PSG4: variants seen among roughly 807,000 people sequenced by gnomAD.
PSG4 encodes the protein pregnancy specific beta-1-glycoprotein 4.
In PSG4, 61 loss-of-function variants were observed where a neutral mutation model predicts 44.3. The observed-to-expected ratio is 1.38, with a 90% CI of 1.12 to 1.70. The LOEUF (loss-of-function observed/expected upper bound fraction) is 1.70. Among genes scored for constraint, PSG4 ranks in the 40% most tolerant of loss-of-function variants. PSG4 has a pLI of 0.00. For synonymous variants in PSG4, 248 were observed against 191.3 expected (o/e 1.30, Z -2.45); for missense variants, 677 against 511.7 (o/e 1.32, Z -3.12).
chr19:43,194,801 G>A lies in PSG4; in HGVS notation c.988+194C>T, dbSNP rs565005648. 1.2e-5 allele frequency: 17 copies of A among 1,422,610 alleles called. 1 individual carries two copies. The African/African-American group carries it at 2.0e-4, about 17-fold the overall frequency. 88.1% of individuals were successfully genotyped at this position (1,422,610 alleles called of 1,614,324 possible). A position where few individuals can be genotyped will look rare whatever the true frequency, so the allele number is the denominator to read the frequency against. On this transcript the variant is annotated intron_variant, in intron 4 of 5. Transcript: ENST00000405312. ...AGGCCCCAAGTCTCCCATGACAAGAGCGTCCCCTCCCCTTATATTCTTGGT... is the reference window on the plus strand; with the variant it reads ...AGGCCCCAAGTCTCCCATGACAAGAACGTCCCCTCCCCTTATATTCTTGGT...
In PSG4 at chr19:43,197,749, C is replaced by A. The variant is rs796818042; in HGVS notation, c.709+248G>T. 555 of 875,796 alleles carry A rather than the reference C, an allele frequency of 6.3e-4. 32 individuals carry two copies. The African/African-American group carries it at 7.1e-3, about 11-fold the overall frequency. 54.3% of individuals were successfully genotyped at this position (875,796 alleles called of 1,614,324 possible). On this transcript the variant is annotated intron_variant, in intron 3 of 5. Transcript: ENST00000405312. ...TGTTCACTGATCTGGAGCCTGAGAC[C>A]TTCACCTGTTTCTCCCATCACAAGC... is the stretch of plus-strand genomic sequence containing the variant.
chr19:43,202,044 C>T lies in PSG4; in HGVS notation c.430+1842G>A, dbSNP rs552311436. ...GAGTGGCAACTCCAGGTGATTTCTG[C>T]ACCTTTCCTATTTCCTGGGAGGTGG... On this transcript the variant is annotated intron_variant, in intron 2 of 5. Coordinates refer to ENST00000405312, the MANE Select transcript of PSG4 (RefSeq NM_002780.5). 4.8e-3 allele frequency among the ~76,000 whole-genome samples: 694 copies of T among 145,288 alleles called. 80 individuals are homozygous for T. Among genetic ancestry groups the T allele is most frequent in the African/African-American group, 0.017 (651 of 38,114 alleles).
rs78731124 is a variant in PSG4 at position 43,198,256 on chromosome 19, G to A, written c.450C>T (p.Ser150=). 8.5e-4 allele frequency: 1,351 copies of A among 1,586,566 alleles called. 226 individuals carry two copies. In the African/African-American group the frequency reaches 0.017, roughly 20 times the overall value. Reference sequence around the variant, plus strand: ...TGGGATTTAAGTTGCTGCTGGAGATGGAGGGCTTGGGAGTCTCCACTGTGC... The same window carrying A: ...TGGGATTTAAGTTGCTGCTGGAGATAGAGGGCTTGGGAGTCTCCACTGTGC... The part of the protein sequence containing the change: ...FTLHLETPKP[S]ISSSNLNPRE... The change falls in exon 3 of 6, where the codon TCC becomes TCT. Residue 150 remains serine (S), a synonymous_variant. Coordinates refer to ENST00000405312, the MANE Select transcript of PSG4 (RefSeq NM_002780.5).
Position 43,199,178 on chromosome 19 carries a change from T to C in PSG4, c.431-903A>G, listed in dbSNP as rs1212046155. 1.4e-5 allele frequency among the ~76,000 whole-genome samples: 2 copies of C among 145,962 alleles called. 1 individual carries two copies. The highest frequency in any genetic ancestry group is 3.0e-5 in the Non-Finnish European group (2 of 67,244). On this transcript the variant is annotated intron_variant, in intron 2 of 5. Coordinates refer to ENST00000405312, the MANE Select transcript of PSG4 (RefSeq NM_002780.5). ...ATGCGTTTGGTGGATATTAGACCAATATTTGGGAAGAAGTCTTGCAGATAC... is the reference window on the plus strand; with the variant it reads ...ATGCGTTTGGTGGATATTAGACCAACATTTGGGAAGAAGTCTTGCAGATAC...
In PSG4 at chr19:43,200,424, G is replaced by A. The variant is rs142324760; in HGVS notation, c.431-2149C>T. Among the ~76,000 whole-genome samples, 7 of 144,650 alleles carry A rather than the reference G, an allele frequency of 4.8e-5. 2 individuals carry two copies. Among genetic ancestry groups the A allele is most frequent in the African/African-American group, 1.9e-4 (7 of 37,604 alleles). 94.9% of individuals were successfully genotyped at this position (144,650 alleles called of 152,430 possible). On this transcript the variant is annotated intron_variant, in intron 2 of 5. Transcript: ENST00000405312. Reference sequence around the variant, plus strand: ...GTCAAAAAAAATATTAAATATGAAGGCGAATATGTTGTTCCACTTTTTTTT... The same window carrying A: ...GTCAAAAAAAATATTAAATATGAAGACGAATATGTTGTTCCACTTTTTTTT...
intron 2 of PSG4, among the ~76,000 whole-genome samples, chr19:43,199,789 G>T (rs529195822): frequency 2.7e-5 from 4 of 145,696 alleles, no homozygotes; most frequent in Admixed American, 6.8e-5. Flanking sequence ...TCCAGACATC[G>T]AAGATCAATT....
rs377642381 is a variant in PSG4 at position 43,194,530 on chromosome 19, G to A, written c.1053C>T (p.Tyr351=). ...GGTTAGACTCGGCGAAGCAGGACAAGTAGAGGTTTTCTCCTGAACGGTAAT... is the reference window on the plus strand; with the variant it reads ...GGTTAGACTCGGCGAAGCAGGACAAATAGAGGTTTTCTCCTGAACGGTAAT... ...FTYYRSGENL[Y]LSCFAESNPR... Residue 351 remains tyrosine, a synonymous_variant, in exon 5 of 6, where the codon TAC becomes TAT. Coordinates refer to ENST00000405312, the MANE Select transcript of PSG4 (RefSeq NM_002780.5). 48 of 1,612,468 alleles carry A rather than the reference G, an allele frequency of 3.0e-5. 1 individual carries two copies. Among genetic ancestry groups the A allele is most frequent in the Non-Finnish European group, 3.7e-5 (44 of 1,179,134 alleles).
Position 43,193,157 on chromosome 19 carries a change from A to T in PSG4, c.*215T>A, listed in dbSNP as rs1422931118. ...GAAAAACTGTCCACAGTGTGAAGTCATCAACTTGTTATCCTGGTTTACAGT... is the reference window on the plus strand; with the variant it reads ...GAAAAACTGTCCACAGTGTGAAGTCTTCAACTTGTTATCCTGGTTTACAGT... On this transcript the variant is annotated 3_prime_UTR_variant, in exon 6 of 6. Coordinates refer to ENST00000405312, the MANE Select transcript of PSG4 (RefSeq NM_002780.5). 1.4e-6 allele frequency: 1 copy of T among 712,208 alleles called. No individual in the cohort carries two copies. Among genetic ancestry groups the T allele is most frequent in the Admixed American group, 1.9e-5 (1 of 51,502 alleles). The allele number at this position is 712,208 out of a possible 1,614,324, so 44.1% of individuals were successfully genotyped here.
chr19:43,195,415 T>C (rs1353198323), intron 3 of PSG4, 142 bp from the exon 4 acceptor site: 16 of 1,396,272 alleles, frequency 1.1e-5, no homozygotes, highest in East Asian at 2.3e-5. Flanking sequence ...TGTCACAAGA[T>C]AGATGCATGA....
intron 2 of PSG4, 105 bp downstream of exon 2, chr19:43,203,781 A>C: frequency 6.6e-7 from 1 of 1,517,234 alleles, no homozygotes. Flanking sequence ...ATGGGACTTA[A>C]TGCAGAGAGG....
rs756114682 is a variant in PSG4, at chr19:43,194,545, T to C, written c.1038A>G (p.Ser346=). 4 of 1,612,530 alleles carry C rather than the reference T, an allele frequency of 2.5e-6. No individual in the cohort carries two copies. In the South Asian group the frequency reaches 3.3e-5, roughly 13 times the overall value. The change falls in exon 5 of 6, where the codon TCA becomes TCG. Residue 346 remains serine, a synonymous_variant. Transcript: ENST00000405312. ...SIYPSFTYYR[S]GENLYLSCFA... Reference sequence around the variant, plus strand: ...AGCAGGACAAGTAGAGGTTTTCTCCTGAACGGTAATAGGTGAATGAAGGGT... The same window carrying C: ...AGCAGGACAAGTAGAGGTTTTCTCCCGAACGGTAATAGGTGAATGAAGGGT...
At chr19:43,194,805 C>T in intron 4 of PSG4, 190 bp downstream of exon 4, 2 of 1,427,044 alleles carry the variant, frequency 1.4e-6, no homozygotes, top group Non-Finnish European at 1.9e-6. Flanking sequence ...ACAAGAGCGT[C>T]CCCTCCCCTT....
intron 2 of PSG4, among the ~76,000 whole-genome samples, chr19:43,202,491 A>T (rs1967559872): frequency 6.9e-6 from 1 of 144,694 alleles, no homozygotes; most frequent in Admixed American, 6.9e-5. Context: ...CAGTCTCTAA[A>T]GAGGTTTTGG....
At chr19:43,204,609 C>G (rs1462581742) in intron 1 of PSG4, 1 of 256,204 alleles carries the variant, frequency 3.9e-6, no homozygotes, top group Admixed American at 5.3e-5. Flanking sequence ...TGGGTCTTCC[C>G]TTTCTGACCT....
intron 2 of PSG4, among the ~76,000 whole-genome samples, chr19:43,200,442 T>C (rs1967454929): frequency 6.9e-6 from 1 of 145,084 alleles, no homozygotes. Flanking sequence ...GTTGTTCCAC[T>C]TTTTTTTCCC....
intron 3 of PSG4, 54 bp downstream of exon 3, chr19:43,197,943 G>A (rs1348280578): frequency 9.6e-6 from 15 of 1,564,900 alleles, no homozygotes; most frequent in Non-Finnish European, 1.3e-5. Flanking sequence ...CTGGCCTCTG[G>A]CCATGTGTAT....
Position 43,201,688 on chromosome 19 carries a change from G to A in PSG4, c.430+2198C>T, listed in dbSNP as rs1037187505. Among the ~76,000 whole-genome samples, 45 of 145,284 alleles carry A rather than the reference G, an allele frequency of 3.1e-4. 5 individuals carry two copies. The highest frequency in any genetic ancestry group is 4.3e-4 in the South Asian group (2 of 4,614). ...TTTTTAGTCCTGTGACCCTGAAACTGTCCTTGAAAATCTCTAACCCCTGCT... is the reference window on the plus strand; with the variant it reads ...TTTTTAGTCCTGTGACCCTGAAACTATCCTTGAAAATCTCTAACCCCTGCT... On this transcript the variant is annotated intron_variant, in intron 2 of 5. Transcript: ENST00000405312.
At position 43,204,494 on chromosome 19, in the gene PSG4, T is replaced by A. The variant is rs779933448; in HGVS notation, c.65-243A>T. On this transcript the variant is annotated intron_variant, in intron 1 of 5. Coordinates refer to ENST00000405312, the MANE Select transcript of PSG4 (RefSeq NM_002780.5). The stretch of plus-strand genomic sequence containing the variant: ...TGACCTTGGCATTTTTCTTTTTGGA[T>A]TCCTCTTCCCCAGGGGTCCGCACGG... 95 of 560,756 alleles carry A rather than the reference T, an allele frequency of 1.7e-4. 6 individuals are homozygous for A. Among genetic ancestry groups the A allele is most frequent in the Middle Eastern group, 1.0e-3 (2 of 1,978 alleles). 34.7% of individuals were successfully genotyped at this position (560,756 alleles called of 1,614,324 possible).
chr19:43,194,433 T>A lies in PSG4; in HGVS notation c.1150A>T (p.Ile384Leu). 1 of 1,612,356 alleles carries A rather than the reference T, an allele frequency of 6.2e-7. No individual in the cohort carries two copies. The highest frequency in any genetic ancestry group is 8.5e-7 in the Non-Finnish European group (1 of 1,179,096). Residue 384 changes from isoleucine to leucine, a missense_variant, in exon 5 of 6, where the codon ATA (isoleucine) becomes TTA (leucine). By Grantham distance (5) the Ile-to-Leu change is conservative. Coordinates refer to ENST00000405312, the MANE Select transcript of PSG4 (RefSeq NM_002780.5). ...LSGQKLSIPQ[I>L]TTKHSGLYAC... ...TAGAGCCCACTATGCTTTGTAGTTA[T>A]TTGGGGGATAGAGAGCTTTTGTCCT...
Sources: gnomAD v4.1 joint callset for allele counts (sites outside exome capture counted in the v4.1 genomes callset) on GRCh38, gnomAD v4.1.1 for gene constraint, MANE v1.5 for transcripts, NCBI Gene and HGNC (gene_info 2026-07-23, HGNC 2026-07-21) for gene names.